The following SLC22A23 variants were observed in gnomAD, a reference collection of about 807,000 sequenced individuals.
SLC22A23 encodes solute carrier family 22 member 23.
A neutral mutation model predicts 61.0 loss-of-function variants in SLC22A23; 26 were observed. That is an observed-to-expected ratio of 0.43 (90% CI 0.31 to 0.59). The LOEUF is 0.59. Among genes scored for constraint, SLC22A23 ranks in the 20% least tolerant of loss-of-function variants. The pLI is 0.11. For synonymous variants in SLC22A23, 430 were observed against 413.9 expected (o/e 1.04, Z -0.47); for missense variants, 796 against 934.7 (o/e 0.85, Z 1.94).
chr6:3,348,422 G>T (rs1013135022), intron 3 of SLC22A23, among the ~76,000 whole-genome samples: 1 of 152,194 alleles, frequency 6.6e-6, no homozygotes, highest in Non-Finnish European at 1.5e-5. Flanking sequence ...TCTGCTCAGA[G>T]TGACAATAGC....
At chr6:3,284,838 G>A (rs946494699) in intron 8 of SLC22A23, 15 of 1,416,240 alleles carry the variant, frequency 1.1e-5, no homozygotes, top group Non-Finnish European at 1.3e-5. Flanking sequence ...GGGAAGGGGC[G>A]GGGGCATGCG....
At position 3,427,731 on chromosome 6, in the gene SLC22A23, G is replaced by C. The variant is rs528131306; in HGVS notation, c.655-11876C>G. Among the ~76,000 whole-genome samples, 1 of 147,492 alleles carries C rather than the reference G, an allele frequency of 6.8e-6. No homozygotes were observed. The highest frequency in any genetic ancestry group is 6.7e-5 in the Admixed American group (1 of 14,902). On this transcript the variant is annotated intron_variant, in intron 1 of 9. Transcript: ENST00000406686. The surrounding 1 kb of genome is among the most constrained non-coding windows in gnomAD (Gnocchi z 4.3). ...AAATATACTATTTTTCTGACCAAAAGAAAAAAAAAAGTAGGATGGTTCTCA... is the reference window on the plus strand; with the variant it reads ...AAATATACTATTTTTCTGACCAAAACAAAAAAAAAAGTAGGATGGTTCTCA...
At chr6:3,339,263 C>A (rs1262080955) in intron 3 of SLC22A23, among the ~76,000 whole-genome samples, 1 of 152,166 alleles carries the variant, frequency 6.6e-6, no homozygotes, top group East Asian at 1.9e-4. Context: ...CACCACCAGG[C>A]ACACAGGCCT....
chr6:3,339,156 C>T (rs770840113), intron 3 of SLC22A23, among the ~76,000 whole-genome samples: 3 of 152,194 alleles, frequency 2.0e-5, no homozygotes, highest in East Asian at 1.9e-4. Flanking sequence ...CCATGTCAGC[C>T]TCCTACCAAT....
In SLC22A23 at chr6:3,370,192, G is replaced by C. The variant is rs531446656; in HGVS notation, c.913+39996C>G. 8.5e-5 allele frequency among the ~76,000 whole-genome samples: 13 copies of C among 152,136 alleles called. 1 individual carries two copies. Among genetic ancestry groups the C allele is most frequent in the African/African-American group, 3.1e-4 (13 of 41,494 alleles). On this transcript the variant is annotated intron_variant, in intron 3 of 9. Coordinates refer to ENST00000406686, the MANE Select transcript of SLC22A23 (RefSeq NM_015482.2). ...TGGATTTTCTTTCAAAAAACAAAAA[G>C]AGGTTAGCCATACGTAGGAAGGCAA...
chr6:3,441,529 A>C (rs527693680), intron 1 of SLC22A23, among the ~76,000 whole-genome samples: 1 of 152,084 alleles, frequency 6.6e-6, no homozygotes, highest in Non-Finnish European at 1.5e-5. Context: ...GTCCTCTCTC[A>C]ATCCTTTCAA....
Position 3,280,878 on chromosome 6 carries a change from C to G in SLC22A23, c.1703+2974G>C, listed in dbSNP as rs535040229. ...GTCATCCTGGCCCTCGGTGCCTATT[C>G]TTGAGGCAGCATTAGAGCGGAAGAC... is the stretch of plus-strand genomic sequence containing the variant. On this transcript the variant is annotated intron_variant, in intron 9 of 9. Coordinates refer to ENST00000406686, the MANE Select transcript of SLC22A23 (RefSeq NM_015482.2). Among the ~76,000 whole-genome samples the G allele has an allele frequency of 9.1e-4, 138 of 152,196 alleles. 1 individual carries two copies. Among genetic ancestry groups the G allele is most frequent in the Non-Finnish European group, 1.7e-3 (116 of 67,990 alleles).
At chr6:3,339,788 A>G (rs1444402482) in intron 3 of SLC22A23, among the ~76,000 whole-genome samples, 1 of 152,210 alleles carries the variant, frequency 6.6e-6, no homozygotes, top group East Asian at 1.9e-4. Context: ...ATATCATCAA[A>G]AAATAACCAT....
chr6:3,405,311 TC>T (rs1401421031), intron 3 of SLC22A23, among the ~76,000 whole-genome samples: 1 of 152,094 alleles, frequency 6.6e-6, no homozygotes, highest in Non-Finnish European at 1.5e-5. Flanking sequence ...AAACTCTGAC[TC>T]ATTTCCTTGG....
chr6:3,448,409 T>C (rs1386325397), intron 1 of SLC22A23, among the ~76,000 whole-genome samples: 1 of 152,184 alleles, frequency 6.6e-6, no homozygotes, highest in Admixed American at 6.5e-5. Context: ...TCAGAGTCAA[T>C]AGAAGCCAAG....
intron 2 of SLC22A23, among the ~76,000 whole-genome samples, chr6:3,413,029 C>A (rs548733153): frequency 1.2e-4 from 19 of 152,250 alleles, no homozygotes; most frequent in Admixed American, 4.6e-4. Flanking sequence ...GCTTTGGAAG[C>A]CACCAAGCAG....
intron 5 of SLC22A23, among the ~76,000 whole-genome samples, chr6:3,296,173 G>A (rs1761071041): frequency 2.0e-5 from 3 of 152,192 alleles, no homozygotes; most frequent in Non-Finnish European, 4.4e-5. Flanking sequence ...TGAGGTCTGG[G>A]GAAATCTGGG....
intron 3 of SLC22A23, among the ~76,000 whole-genome samples, chr6:3,358,814 G>A (rs1169557858): frequency 6.6e-6 from 1 of 152,186 alleles, no homozygotes; most frequent in East Asian, 1.9e-4. Context: ...AACACCGGAA[G>A]GAGTCACAGC....
At chr6:3,381,542 A>C (rs1192977105) in intron 3 of SLC22A23, among the ~76,000 whole-genome samples, 1 of 152,174 alleles carries the variant, frequency 6.6e-6, no homozygotes, top group African/African-American at 2.4e-5. Context: ...CACTGTGATA[A>C]ACCATGTCGC....
chr6:3,430,273 G>A (rs560489534), intron 1 of SLC22A23, among the ~76,000 whole-genome samples: 9 of 152,208 alleles, frequency 5.9e-5, no homozygotes, highest in Admixed American at 1.3e-4. Context: ...GCAGTGAGAC[G>A]TCCTTTCTCC....
intron 1 of SLC22A23, among the ~76,000 whole-genome samples, chr6:3,436,670 C>T (rs982715829): frequency 2.6e-5 from 4 of 152,188 alleles, no homozygotes; most frequent in East Asian, 1.9e-4. Flanking sequence ...ATTTTGGCCC[C>T]GCCTCTGTCT....
chr6:3,378,660 T>TTC (rs1766749705), intron 3 of SLC22A23, among the ~76,000 whole-genome samples: 1 of 123,128 alleles, frequency 8.1e-6, no homozygotes. Context: ...CTTTTTTCTT[T>TTC]TTTTTTTTTT....
chr6:3,276,383 C>T (rs141782034), intron 9 of SLC22A23, among the ~76,000 whole-genome samples: 3 of 152,348 alleles, frequency 2.0e-5, no homozygotes, highest in African/African-American at 7.2e-5. Flanking sequence ...CACTCCAGGC[C>T]GCCTGGGTCT....
At chr6:3,379,806 C>T (rs1315917634) in intron 3 of SLC22A23, among the ~76,000 whole-genome samples, 1 of 152,234 alleles carries the variant, frequency 6.6e-6, no homozygotes, top group Non-Finnish European at 1.5e-5. Context: ...GATGACTACT[C>T]AACGAGCTGC....
Sources: allele counts gnomAD v4.1 joint callset (sites outside exome capture counted in the v4.1 genomes callset), GRCh38; gene constraint gnomAD v4.1.1; non-coding constraint Gnocchi (gnomAD v3.1); transcripts MANE v1.5; gene names NCBI Gene and HGNC (gene_info 2026-07-23, HGNC 2026-07-21).